The following TMEM248 variants were observed in gnomAD, a reference collection of about 807,000 sequenced individuals.
TMEM248 encodes UPF0458 protein C7orf42.
Under a neutral mutation model 30.3 loss-of-function variants are expected in TMEM248, and 9 were observed. The ratio of observed to expected loss-of-function variants is 0.30; its 90% CI spans 0.18 to 0.52. TMEM248 has a LOEUF of 0.52. TMEM248 is among the 20% of genes least tolerant of loss of function. The probability of loss-of-function intolerance (pLI) is 0.97; values close to 1 mark genes in which losing one functional copy is unlikely to be tolerated. For synonymous variants in TMEM248, 184 were observed against 154.4 expected, an observed-to-expected ratio of 1.19 and a Z score of -1.42; for missense variants, 338 against 403.3, an observed-to-expected ratio of 0.84 and a Z score of 1.39.
rs1348635079 is a variant in TMEM248 at position 66,957,559 on chromosome 7, C to T, written c.*2037C>T. 3 of 152,138 alleles carry T rather than the reference C, an allele frequency of 2.0e-5. No individual in the cohort carries two copies. Among genetic ancestry groups the T allele is most frequent in the Admixed American group, 6.5e-5 (1 of 15,268 alleles). The allele number at this position is 152,138 out of a possible 1,614,324, so 9.4% of individuals were successfully genotyped here. On this transcript the variant is annotated 3_prime_UTR_variant, in exon 7 of 7. Transcript: ENST00000341567. Reference sequence around the variant, plus strand: ...GAGCCATGTGGCTTGGCTCTAGAAACGTCATTATCATTAGGACCATCAGAT... The same window carrying T: ...GAGCCATGTGGCTTGGCTCTAGAAATGTCATTATCATTAGGACCATCAGAT...
At chr7:66,933,008 G>T (rs1791707750) in intron 1 of TMEM248, among the ~76,000 whole-genome samples, 1 of 151,794 alleles carries the variant, frequency 6.6e-6, no homozygotes, top group African/African-American at 2.4e-5. Flanking sequence ...ACAACCACGC[G>T]CCACCACACC....
rs150737683 is a variant in TMEM248 at position 66,951,043 on chromosome 7, G to A, written c.688G>A (p.Ala230Thr). Reference sequence around the variant, plus strand: ...TGCCAGAGATGCCAACACAAAATACGCCCAAGATTACAATCCTTTCTGGTG... The same window carrying A: ...TGCCAGAGATGCCAACACAAAATACACCCAAGATTACAATCCTTTCTGGTG... ...TTARDANTKY[A>T]QDYNPFWCYK... Residue 230 changes from alanine (A) to threonine (T), a missense_variant, in exon 5 of 7, where the codon GCC becomes ACC. Physicochemically the swap from Ala to Thr is moderately conservative, Grantham distance 58. Coordinates refer to ENST00000341567, the MANE Select transcript of TMEM248 (RefSeq NM_017994.5). The A allele has an allele frequency of 3.5e-5, 57 of 1,613,102 alleles. No individual in the cohort carries two copies. Among genetic ancestry groups the A allele is most frequent in the Middle Eastern group, 1.7e-4 (1 of 6,060 alleles).
intron 6 of TMEM248, among the ~76,000 whole-genome samples, chr7:66,954,310 A>T (rs1218226661): frequency 1.3e-5 from 2 of 151,998 alleles, no homozygotes; most frequent in African/African-American, 2.4e-5. Flanking sequence ...GTGTATTTTT[A>T]AAACTTGTGT....
intron 3 of TMEM248, among the ~76,000 whole-genome samples, chr7:66,945,912 C>T (rs1276419249): frequency 2.0e-5 from 3 of 152,088 alleles, no homozygotes; most frequent in African/African-American, 4.8e-5. Context: ...GGCAAAACCC[C>T]GTCTCTACTA....
rs375502371 is a variant in TMEM248, at chr7:66,953,363, C to T, written c.918C>T (p.Pro306=). 2.6e-5 allele frequency: 42 copies of T among 1,613,734 alleles called. No homozygotes were observed. The highest frequency in any genetic ancestry group is 1.6e-4 in the Middle Eastern group (1 of 6,082). ...GTCAGAGCAATCCTGAATTTTGTCCCGAGAAGGTGAGCGGTGGATGGGGTC... is the reference window on the plus strand; with the variant it reads ...GTCAGAGCAATCCTGAATTTTGTCCTGAGAAGGTGAGCGGTGGATGGGGTC... The part of the protein sequence containing the change: ...KLRQSNPEFC[P]EKVALAEA Residue 306 remains proline (P), a synonymous_variant, in exon 6 of 7, where the codon CCC becomes CCT. Coordinates refer to ENST00000341567, the MANE Select transcript of TMEM248 (RefSeq NM_017994.5).
intron 1 of TMEM248, among the ~76,000 whole-genome samples, chr7:66,941,384 A>G (rs1791947160): frequency 1.3e-5 from 2 of 149,538 alleles, no homozygotes; most frequent in Non-Finnish European, 3.0e-5. Context: ...GTCTCAAAAA[A>G]AAAAAAAAAG....
chr7:66,953,528 G>C (rs1792322840), intron 6 of TMEM248, among the ~76,000 whole-genome samples, 159 bp downstream of exon 6: 1 of 152,198 alleles, frequency 6.6e-6, no homozygotes, highest in African/African-American at 2.4e-5. Flanking sequence ...CAGGACCCTG[G>C]TGGATATCGA....
Position 66,955,568 on chromosome 7 carries a change from C to T in TMEM248, c.*46C>T, listed in dbSNP as rs1792379737. On this transcript the variant is annotated 3_prime_UTR_variant, in exon 7 of 7. Coordinates refer to ENST00000341567, the MANE Select transcript of TMEM248 (RefSeq NM_017994.5). ...TGAGAGAGACTGAGAGAACCATAAT[C>T]CTTGCCTGCTGAACCCAGCCTGGGC... 8 of 1,612,680 alleles carry T rather than the reference C, an allele frequency of 5.0e-6. No homozygotes were observed. The South Asian group carries it at 5.5e-5, about 11-fold the overall frequency.
At chr7:66,941,394 GAA>G (rs373618347) in intron 1 of TMEM248, among the ~76,000 whole-genome samples, 1 of 136,480 alleles carries the variant, frequency 7.3e-6, no homozygotes, top group Non-Finnish European at 1.6e-5. Context: ...AAAAAAAAAA[GAA>G]AAAAAAAAAT....
At chr7:66,932,416 C>T (rs908411397) in intron 1 of TMEM248, among the ~76,000 whole-genome samples, 2 of 152,168 alleles carry the variant, frequency 1.3e-5, no homozygotes, top group African/African-American at 2.4e-5. Flanking sequence ...CTTTTGCTTA[C>T]GTAAAGCGCC....
rs997770150 is a variant in TMEM248 at position 66,955,691 on chromosome 7, C to A, written c.*169C>A. ...CTGATTTGTACATATTTATAAAAAT[C>A]TATTCAGAAATTGGTCCAATAATGC... On this transcript the variant is annotated 3_prime_UTR_variant, in exon 7 of 7. Transcript: ENST00000341567. 115 of 875,018 alleles carry A rather than the reference C, an allele frequency of 1.3e-4. No homozygotes were observed. The highest frequency in any genetic ancestry group is 9.0e-5 in the Non-Finnish European group (52 of 581,002). 54.2% of individuals were successfully genotyped at this position (875,018 alleles called of 1,614,324 possible).
intron 5 of TMEM248, among the ~76,000 whole-genome samples, chr7:66,951,621 C>T (rs1792271840): frequency 6.6e-6 from 1 of 151,322 alleles, no homozygotes; most frequent in Non-Finnish European, 1.5e-5. Flanking sequence ...GAACAAAATA[C>T]TTACCTATCT....
intron 1 of TMEM248, among the ~76,000 whole-genome samples, chr7:66,929,148 A>T (rs1791600845): frequency 1.3e-5 from 2 of 152,172 alleles, no homozygotes; most frequent in Admixed American, 1.3e-4. Flanking sequence ...CTTAATGGTT[A>T]ATGCATGGGC....
At chr7:66,953,843 T>C (rs1355982612) in intron 6 of TMEM248, among the ~76,000 whole-genome samples, 2 of 151,878 alleles carry the variant, frequency 1.3e-5, no homozygotes, top group Non-Finnish European at 2.9e-5. Flanking sequence ...TGACCTCAAG[T>C]GATCCACCCG....
chr7:66,934,276 C>G (rs1188517567), intron 1 of TMEM248, among the ~76,000 whole-genome samples: 1 of 152,138 alleles, frequency 6.6e-6, no homozygotes, highest in Non-Finnish European at 1.5e-5. Context: ...AGTCAGCTCA[C>G]TGCAACCTCT....
At chr7:66,949,963 A>T (rs1004659364) in intron 4 of TMEM248, among the ~76,000 whole-genome samples, 1 of 152,164 alleles carries the variant, frequency 6.6e-6, no homozygotes, top group Non-Finnish European at 1.5e-5. Context: ...TCTATTTTAG[A>T]CATTTGGAGG....
intron 2 of TMEM248, among the ~76,000 whole-genome samples, chr7:66,944,277 G>C (rs934444788): frequency 1.3e-5 from 2 of 151,192 alleles, no homozygotes; most frequent in Non-Finnish European, 2.9e-5. Flanking sequence ...GCTAATTATT[G>C]TATTTTTAGT....
At chr7:66,944,923 T>C in intron 2 of TMEM248, 53 bp from the exon 3 acceptor site, 1 of 1,591,612 alleles carries the variant, frequency 6.3e-7, no homozygotes, top group Non-Finnish European at 8.6e-7. Context: ...ATTCCCGCAG[T>C]GGGAGACAGG....
intron 6 of TMEM248, among the ~76,000 whole-genome samples, chr7:66,955,058 T>C (rs1036027092): frequency 2.0e-5 from 3 of 151,960 alleles, no homozygotes; most frequent in African/African-American, 7.3e-5. Flanking sequence ...AGCCCACGAG[T>C]TCAAGACCAG....
Sources: gnomAD v4.1 joint callset for allele counts (sites outside exome capture counted in the v4.1 genomes callset) on GRCh38, gnomAD v4.1.1 for gene constraint, MANE v1.5 for transcripts, NCBI Gene and HGNC (gene_info 2026-07-23, HGNC 2026-07-21) for gene names.